SEPTIN4: variants seen among roughly 807,000 people sequenced by gnomAD.
SEPTIN4 encodes the protein septin 4.
Under a neutral mutation model 107.1 loss-of-function variants are expected in SEPTIN4, and 52 were observed. The ratio of observed to expected loss-of-function variants is 0.49; its 90% CI spans 0.39 to 0.61. The LOEUF is 0.61. Among genes scored for constraint, SEPTIN4 ranks in the 20% least tolerant of loss-of-function variants. The pLI is 0.00. For synonymous variants in SEPTIN4, 417 were observed against 467.0 expected (o/e 0.89, Z 1.38); for missense variants, 1,048 against 1,243.5 (o/e 0.84, Z 2.36).
rs373637384 is a variant in SEPTIN4 at position 58,544,152 on chromosome 17, G to A, written c.35C>T (p.Ala12Val). The A allele has an allele frequency of 7.3e-5, 117 of 1,613,298 alleles. No homozygotes were observed. Among genetic ancestry groups the A allele is most frequent in the East Asian group, 1.6e-4 (7 of 44,890 alleles). Residue 12 changes from alanine to valine, a missense_variant, in exon 1 of 14, where the codon GCG becomes GTG. Around this residue, in one of 2 missense-constraint regions of SEPTIN4, gnomAD observed 787 missense variants for 871.8 expected, o/e 0.90. Transcript: ENST00000672673. ...CTCAGACCCTCTCTGTGCTGAAACC[G>A]CTACCTTGGCCCCAGGTTTATTTGT... ...VKTNKPGAKV[A>V]VSAQRGSEVT...
chr17:58,540,653 G>T lies in SEPTIN4; in HGVS notation c.1614+13C>A, dbSNP rs2043855520. ...CAGGAAGACTGGGAGTAACCTCCCA[G>T]GGGCATTCTTACCTCCTCATCTGTC... On this transcript the variant is annotated intron_variant, in intron 3 of 13. Coordinates refer to ENST00000672673, the MANE Select transcript of SEPTIN4 (RefSeq NM_001368771.2). 2.2e-6 allele frequency: 3 copies of T among 1,362,226 alleles called. No homozygotes were observed. The highest frequency in any genetic ancestry group is 3.0e-5 in the African/African-American group (2 of 65,826). The allele number at this position is 1,362,226 out of a possible 1,614,324, so 84.4% of individuals were successfully genotyped here.
At chr17:58,540,579 C>T in intron 3 of SEPTIN4, 87 bp downstream of exon 3, 2 of 1,086,856 alleles carry the variant, frequency 1.8e-6, no homozygotes, top group Middle Eastern at 3.1e-4. Context: ...TCCCTCCATG[C>T]CCACTCCCAT....
Position 58,543,007 on chromosome 17 carries a change from G to A in SEPTIN4, c.1180C>T (p.Pro394Ser). 1 of 1,612,272 alleles carries A rather than the reference G, an allele frequency of 6.2e-7. No individual in the cohort carries two copies. The highest frequency in any genetic ancestry group is 8.5e-7 in the Non-Finnish European group (1 of 1,179,248). The stretch of plus-strand genomic sequence containing the variant: ...ATGGAGGGCTTTTGCGAGAGTTCTG[G>A]ATACCTGGGTGTAGGTCCTTGGGAC... ...YMSQGPTPRYPELSQKPSIHA... is the reference protein window; with the variant it reads ...YMSQGPTPRYSELSQKPSIHA... Residue 394 changes from proline to serine, a missense_variant, in exon 1 of 14, where the codon CCA becomes TCA. Physicochemically the swap from Pro to Ser is moderately conservative, Grantham distance 74. This residue lies in a region of SEPTIN4 where 787 missense variants were observed against 871.8 expected (regional missense o/e 0.90). Coordinates refer to ENST00000672673, the MANE Select transcript of SEPTIN4 (RefSeq NM_001368771.2).
At position 58,542,933 on chromosome 17, in the gene SEPTIN4, T is replaced by A. The variant is rs772757451; in HGVS notation, c.1254A>T (p.Leu418Phe). The A allele has an allele frequency of 3.7e-6, 6 of 1,614,158 alleles. No homozygotes were observed. Among genetic ancestry groups the A allele is most frequent in the Non-Finnish European group, 5.1e-6 (6 of 1,180,018 alleles). ...LTPRPLPPRS[L>F]PRYGPDSSWW... ...ATGAGGAGTCAGGTCCGTACCTAGG[T>A]AAGGACCGAGGAGGCAAGGGCCTAG... Residue 418 changes from leucine to phenylalanine, a missense_variant, in exon 1 of 14, where the codon TTA (leucine) becomes TTT (phenylalanine). Physicochemically the swap from Leu to Phe is conservative, Grantham distance 22. This residue lies in a region of SEPTIN4 where 787 missense variants were observed against 871.8 expected (regional missense o/e 0.90). Coordinates refer to ENST00000672673, the MANE Select transcript of SEPTIN4 (RefSeq NM_001368771.2).
At chr17:58,539,988 A>G (rs566230187) in intron 3 of SEPTIN4, among the ~76,000 whole-genome samples, 10 of 152,276 alleles carry the variant, frequency 6.6e-5, no homozygotes, top group African/African-American at 2.4e-4. Flanking sequence ...TCTGTGGCCA[A>G]CTGTCCATCC....
At chr17:58,542,572 C>T in intron 1 of SEPTIN4, 54 bp downstream of exon 1, 2 of 1,552,446 alleles carry the variant, frequency 1.3e-6, no homozygotes, top group South Asian at 1.3e-5. Flanking sequence ...CCCACCCCAA[C>T]ATCCCATCTC....
intron 13 of SEPTIN4, 105 bp downstream of exon 13, chr17:58,520,638 A>T: frequency 6.5e-7 from 1 of 1,535,542 alleles, no homozygotes; most frequent in African/African-American, 1.4e-5. Flanking sequence ...CCTATCCAGG[A>T]CCCAAATATG....
In SEPTIN4 at chr17:58,542,923, C is replaced by T. The variant is rs987143150; in HGVS notation, c.1264G>A (p.Gly422Arg). The stretch of plus-strand genomic sequence containing the variant: ...AAGGGCCACCATGAGGAGTCAGGTC[C>T]GTACCTAGGTAAGGACCGAGGAGGC... ...PLPPRSLPRYGPDSSWWPLLN... is the reference protein window; with the variant it reads ...PLPPRSLPRYRPDSSWWPLLN... Residue 422 changes from glycine to arginine, a missense_variant, in exon 1 of 14, where the codon GGA becomes AGA. Transcript: ENST00000672673. The T allele has an allele frequency of 3.7e-6, 6 of 1,614,070 alleles. No homozygotes were observed. Among genetic ancestry groups the T allele is most frequent in the African/African-American group, 2.7e-5 (2 of 74,922 alleles).
rs200459304 is a variant in SEPTIN4, at chr17:58,521,882, C to G, written c.2352-29G>C. 164 of 1,614,068 alleles carry G rather than the reference C, an allele frequency of 1.0e-4. 1 individual carries two copies. The highest frequency in any genetic ancestry group is 1.2e-4 in the Non-Finnish European group (144 of 1,180,016). On this transcript the variant is annotated intron_variant, in intron 8 of 13. Transcript: ENST00000672673. This position sits in a 1 kb window ranked among gnomAD's most constrained non-coding sequence, Gnocchi z 6.4. ...GGGAACAGGAACCTGTGACCACCTGCTAGTGGCAGCCCTGCCCCTGGTGCT... is the reference window on the plus strand; with the variant it reads ...GGGAACAGGAACCTGTGACCACCTGGTAGTGGCAGCCCTGCCCCTGGTGCT...
At chr17:58,520,641 C>T (rs966118908) in intron 13 of SEPTIN4, 102 bp downstream of exon 13, 16 of 1,547,484 alleles carry the variant, frequency 1.0e-5, no homozygotes, top group Admixed American at 3.4e-5. Context: ...ATCCAGGACC[C>T]AAATATGCAC....
intron 3 of SEPTIN4, among the ~76,000 whole-genome samples, chr17:58,534,497 C>T (rs920300275): frequency 1.3e-5 from 2 of 152,242 alleles, no homozygotes; most frequent in Non-Finnish European, 2.9e-5. Flanking sequence ...GCAGCCCTTG[C>T]GTCAGTCACT....
intron 1 of SEPTIN4, 51 bp from the exon 2 acceptor site, chr17:58,542,017 T>TCC (rs747234230): frequency 6.3e-7 from 1 of 1,586,824 alleles, no homozygotes; most frequent in Non-Finnish European, 8.6e-7. Flanking sequence ...GGGATGCACA[T>TCC]CCCACTCTCC....
intron 3 of SEPTIN4, among the ~76,000 whole-genome samples, chr17:58,532,881 TG>T (rs2144212526): frequency 6.6e-6 from 1 of 152,286 alleles, no homozygotes; most frequent in East Asian, 1.9e-4. Context: ...GGAAGGCAGA[TG>T]CTTGGTGAGT....
chr17:58,533,011 G>A (rs1030540728), intron 3 of SEPTIN4, among the ~76,000 whole-genome samples: 1 of 152,166 alleles, frequency 6.6e-6, no homozygotes, highest in Non-Finnish European at 1.5e-5. Context: ...ATGGCAGGCT[G>A]ACTGGCTTCT....
At chr17:58,540,522 C>CAA in intron 3 of SEPTIN4, 144 bp downstream of exon 3, 1 of 548,916 alleles carries the variant, frequency 1.8e-6, no homozygotes, top group East Asian at 3.5e-5. Context: ...CTACCAGGTG[C>CAA]TCTTGTGCAG....
intron 3 of SEPTIN4, chr17:58,539,205 A>G (rs1216564883): frequency 2.6e-6 from 4 of 1,524,952 alleles, no homozygotes; most frequent in Non-Finnish European, 2.6e-6. Flanking sequence ...ACAGGGCTGG[A>G]GAGCTGTAAT....
Position 58,543,970 on chromosome 17 carries a change from G to A in SEPTIN4, c.217C>T (p.Leu73Phe), listed in dbSNP as rs768398346. ...SASDYPRSVS[L>F]QSGPGHYAVP... Reference sequence around the variant, plus strand: ...GCATAGTGTCCAGGTCCTGACTGGAGGGAGACAGATCGAGGGTAGTCTGAT... The same window carrying A: ...GCATAGTGTCCAGGTCCTGACTGGAAGGAGACAGATCGAGGGTAGTCTGAT... The change falls in exon 1 of 14, where the codon CTC (leucine) becomes TTC (phenylalanine). Residue 73 changes from leucine to phenylalanine, a missense_variant. By Grantham distance (22) the Leu-to-Phe change is conservative (BLOSUM62 0). Coordinates refer to ENST00000672673, the MANE Select transcript of SEPTIN4 (RefSeq NM_001368771.2). 5.0e-6 allele frequency: 8 copies of A among 1,613,856 alleles called. No individual in the cohort carries two copies. In the South Asian group the frequency reaches 5.5e-5, roughly 11 times the overall value.
At chr17:58,531,782 G>C (rs2043485716) in intron 3 of SEPTIN4, 1 of 477,062 alleles carries the variant, frequency 2.1e-6, no homozygotes, top group Non-Finnish European at 2.8e-6. Context: ...AAACTTGGGA[G>C]CAGCGACGCA....
At chr17:58,541,819 C>T (rs2043882967) in intron 2 of SEPTIN4, 103 bp downstream of exon 2, 1 of 1,612,506 alleles carries the variant, frequency 6.2e-7, no homozygotes, top group Non-Finnish European at 8.5e-7. Flanking sequence ...CAGCATTTAT[C>T]TCCTAAACGA....
Sources: gnomAD v4.1 joint callset for allele counts (sites outside exome capture counted in the v4.1 genomes callset) on GRCh38, gnomAD v4.1.1 for gene constraint, gnomAD v4.1.1 regional missense constraint, Gnocchi (gnomAD v3.1) non-coding constraint, MANE v1.5 for transcripts, NCBI Gene and HGNC (gene_info 2026-07-23, HGNC 2026-07-21) for gene names.